The following NOP9 variants were observed in gnomAD, a reference collection of about 807,000 sequenced individuals.
The protein encoded by NOP9 is nucleolar protein 9.
In NOP9, 50 loss-of-function variants were observed where a neutral mutation model predicts 63.0. The observed-to-expected ratio is 0.79, with a 90% CI of 0.63 to 1.00. The LOEUF (loss-of-function observed/expected upper bound fraction) is 1.00. Ranked by LOEUF, NOP9 falls within the 50% of genes least tolerant of loss-of-function variation. NOP9 has a pLI of 0.00. For missense variants in NOP9, 758 were observed against 803.0 expected, an observed-to-expected ratio of 0.94 and a Z score of 0.68; for synonymous variants, 343 against 332.8, an observed-to-expected ratio of 1.03 and a Z score of -0.33.
the NOP9 span, among the ~76,000 whole-genome samples, chr14:24,286,135 C>T: frequency 1.3e-5 from 2 of 152,190 alleles, no homozygotes; most frequent in African/African-American, 4.8e-5. Context: ...CTCAGTGCCC[C>T]ATCAGTGCTA....
upstream of NOP9, among the ~76,000 whole-genome samples, chr14:24,295,242 A>C (rs2041230045): frequency 6.6e-6 from 1 of 152,244 alleles, no homozygotes; most frequent in South Asian, 2.1e-4. Flanking sequence ...AATAGTAGCT[A>C]TATATCAGGC....
rs2180197 is a variant in NOP9 at position 24,308,385 on chromosome 14, C to G, written c.*3290C>G. ...GGGCTTTGGAAAATGAGAGGTGAGACTGTGTCCAGGAAGGGTGTAAGGAGA... is the reference window on the plus strand; with the variant it reads ...GGGCTTTGGAAAATGAGAGGTGAGAGTGTGTCCAGGAAGGGTGTAAGGAGA... On this transcript the variant is annotated 3_prime_UTR_variant, in exon 10 of 10. Transcript: ENST00000267425. 0.94 allele frequency: 183,324 copies of G among 194,966 alleles called. 86,329 individuals are homozygous for G. Among genetic ancestry groups the G allele is most frequent in the Non-Finnish European group, 0.96 (89,285 of 92,526 alleles). 12.1% of individuals were successfully genotyped at this position (194,966 alleles called of 1,614,324 possible).
In NOP9 at chr14:24,305,610, TG is replaced by T. The variant is rs2041473658; in HGVS notation, c.*520del. The stretch of plus-strand genomic sequence containing the variant: ...TGCAGTGGGTCGGTTGGAATGATTC[TG>T]GGGGCAGAAGCTCAGAGCCCCTTAG... On this transcript the variant is annotated 3_prime_UTR_variant, in exon 10 of 10. Coordinates refer to ENST00000267425, the MANE Select transcript of NOP9 (RefSeq NM_174913.3). 6.2e-7 allele frequency: 1 copy of T among 1,603,786 alleles called. No homozygotes were observed. The highest frequency in any genetic ancestry group is 8.5e-7 in the Non-Finnish European group (1 of 1,175,522).
At chr14:24,283,043 C>T in the NOP9 span, among the ~76,000 whole-genome samples, 1 of 152,242 alleles carries the variant, frequency 6.6e-6, no homozygotes. Context: ...GTCCAAACCT[C>T]TGAACTAAGA....
At chr14:24,296,917 A>C (rs904105488), upstream of NOP9, 3 of 1,613,414 alleles carry the variant, frequency 1.9e-6, no homozygotes, top group African/African-American at 2.7e-5. Context: ...TCACATTCAC[A>C]CATGGGTGTG....
rs772356758 is a variant in NOP9 at position 24,305,632 on chromosome 14, C to G, written c.*537C>G. ...TTCTGGGGGCAGAAGCTCAGAGCCCCTTAGTAGGAATGGAGGCGGCCCTTC... is the reference window on the plus strand; with the variant it reads ...TTCTGGGGGCAGAAGCTCAGAGCCCGTTAGTAGGAATGGAGGCGGCCCTTC... On this transcript the variant is annotated 3_prime_UTR_variant, in exon 10 of 10. Transcript: ENST00000267425. 1 of 1,611,954 alleles carries G rather than the reference C, an allele frequency of 6.2e-7. No homozygotes were observed. The highest frequency in any genetic ancestry group is 1.1e-5 in the South Asian group (1 of 90,770).
rs949771625 is a variant in NOP9, at chr14:24,299,976, C to G, written c.22C>G (p.Pro8Ala). MGQGPRS[P>A]HKVGRRFPAG... ...ACACATGGGGCAGGGTCCGCGCTCTCCACACAAGGTGGGGCGCCGGTTCCC... is the reference window on the plus strand; with the variant it reads ...ACACATGGGGCAGGGTCCGCGCTCTGCACACAAGGTGGGGCGCCGGTTCCC... The change falls in exon 1 of 10, where the codon CCA (proline) becomes GCA (alanine). Residue 8 changes from proline (P) to alanine (A), a missense_variant. By Grantham distance (27) the Pro-to-Ala change is conservative (BLOSUM62 -1). Transcript: ENST00000267425. The G allele has an allele frequency of 6.3e-7, 1 of 1,585,630 alleles. No individual in the cohort carries two copies. Among genetic ancestry groups the G allele is most frequent in the African/African-American group, 1.4e-5 (1 of 73,988 alleles).
At position 24,299,887 on chromosome 14, in the gene NOP9, C is replaced by T; in HGVS notation, c.-68C>T. ...AAACTTTGTCTGGATAAGGCGCACG[C>T]TTGGCGACGTCGAAGGTCCGTCCGC... On this transcript the variant is annotated 5_prime_UTR_variant, in exon 1 of 10. Coordinates refer to ENST00000267425, the MANE Select transcript of NOP9 (RefSeq NM_174913.3). 1.3e-6 allele frequency: 2 copies of T among 1,489,682 alleles called. No homozygotes were observed. Among genetic ancestry groups the T allele is most frequent in the South Asian group, 2.8e-5 (2 of 72,676 alleles). The allele number at this position is 1,489,682 out of a possible 1,614,324, so 92.3% of individuals were successfully genotyped here.
At chr14:24,299,557 G>A, upstream of NOP9, 1 of 231,770 alleles carries the variant, frequency 4.3e-6, no homozygotes, top group Non-Finnish European at 8.5e-6. Context: ...TAAGCCCTAA[G>A]TGGGACGAGC....
chr14:24,299,065 A>AC (rs2041317982), upstream of NOP9: 1 of 1,614,046 alleles, frequency 6.2e-7, no homozygotes, highest in African/African-American at 1.3e-5. Context: ...CCCTGGAGGC[A>AC]CCAGTCACCA....
chr14:24,291,719 C>G, the NOP9 span: 1 of 1,327,468 alleles, frequency 7.5e-7, no homozygotes, highest in African/African-American at 1.4e-5. Context: ...GAGAAAAAGA[C>G]CAAAGACCAA....
the NOP9 span, among the ~76,000 whole-genome samples, chr14:24,283,953 C>T: frequency 1.3e-5 from 2 of 152,260 alleles, no homozygotes; most frequent in African/African-American, 4.8e-5. Flanking sequence ...CCTAGTTAAA[C>T]CAGCAGCCAT....
In NOP9 at chr14:24,307,403, T is replaced by G. The variant is rs778870257; in HGVS notation, c.*2308T>G. The stretch of plus-strand genomic sequence containing the variant: ...AGCAGCTCCTGGCGGGTGGCAGCTG[T>G]CAGGCCTTTCCGGATGGTCCGCTTG... On this transcript the variant is annotated 3_prime_UTR_variant, in exon 10 of 10. Coordinates refer to ENST00000267425, the MANE Select transcript of NOP9 (RefSeq NM_174913.3). 9.3e-6 allele frequency: 15 copies of G among 1,613,746 alleles called. No homozygotes were observed. Among genetic ancestry groups the G allele is most frequent in the Non-Finnish European group, 1.3e-5 (15 of 1,179,908 alleles).
chr14:24,280,006 C>T, the NOP9 span, among the ~76,000 whole-genome samples: 2 of 152,244 alleles, frequency 1.3e-5, no homozygotes, highest in African/African-American at 4.8e-5. Context: ...AGGAACCGCT[C>T]CTTTTGGGGG....
chr14:24,289,985 C>T, the NOP9 span, among the ~76,000 whole-genome samples: 1 of 152,266 alleles, frequency 6.6e-6, no homozygotes, highest in African/African-American at 2.4e-5. Context: ...TTTATGGCAG[C>T]CATCCCATCA....
chr14:24,288,583 C>G, the NOP9 span, among the ~76,000 whole-genome samples: 9 of 152,080 alleles, frequency 5.9e-5, no homozygotes, highest in African/African-American at 1.9e-4. Flanking sequence ...CTCCTGGCCT[C>G]GTGATCTGCC....
rs1406132863 is a variant in NOP9, at chr14:24,303,770, C to T, written c.1323C>T (p.Ala441=). 1 of 1,614,108 alleles carries T rather than the reference C, an allele frequency of 6.2e-7. No individual in the cohort carries two copies. Among genetic ancestry groups the T allele is most frequent in the Admixed American group, 1.7e-5 (1 of 60,024 alleles). Residue 441 remains alanine, a synonymous_variant, in exon 7 of 10, where the codon GCC becomes GCT. Transcript: ENST00000267425. ...CAGAGCCCTCATCCCGGCAAGTGGC[C>T]TGTGTGCCTCTCTTTGCCACTTTGA... The part of the protein sequence containing the change: ...HCAEPSSRQV[A]CVPLFATLMA...
chr14:24,300,035 G>A lies in NOP9; in HGVS notation c.81G>A (p.Gly27=), dbSNP rs2041339343. ...GCAAACGGGGGCGCGGGGCCAAGGGGTCGGGGCGCCCCTTACCAGGCCGTA... is the reference window on the plus strand; with the variant it reads ...GCAAACGGGGGCGCGGGGCCAAGGGATCGGGGCGCCCCTTACCAGGCCGTA... ...AGGKRGRGAK[G]SGRPLPGRKR... Residue 27 remains glycine, a synonymous_variant, in exon 1 of 10, where the codon GGG becomes GGA. Coordinates refer to ENST00000267425, the MANE Select transcript of NOP9 (RefSeq NM_174913.3). 1 of 1,608,256 alleles carries A rather than the reference G, an allele frequency of 6.2e-7. No individual in the cohort carries two copies. Among genetic ancestry groups the A allele is most frequent in the Non-Finnish European group, 8.5e-7 (1 of 1,177,604 alleles).
chr14:24,274,391 G>T, the NOP9 span, among the ~76,000 whole-genome samples: 1 of 152,104 alleles, frequency 6.6e-6, no homozygotes, highest in Non-Finnish European at 1.5e-5. Flanking sequence ...GGGCAGGAAG[G>T]GTATTTCAGG....
Sources: gnomAD v4.1 joint callset for allele counts (sites outside exome capture counted in the v4.1 genomes callset) on GRCh38, gnomAD v4.1.1 for gene constraint, MANE v1.5 for transcripts, NCBI Gene and HGNC (gene_info 2026-07-23, HGNC 2026-07-21) for gene names.